The following CNMD variants were observed in gnomAD, a reference collection of about 807,000 sequenced individuals.
CNMD encodes chondromodulin.
Under a neutral mutation model 37.5 loss-of-function variants are expected in CNMD, and 30 were observed. The observed-to-expected ratio is 0.80, with a 90% CI of 0.60 to 1.09. CNMD has a LOEUF of 1.09. Ranked by LOEUF, CNMD falls within the 50% of genes least tolerant of loss-of-function variation. The pLI is 0.00. For missense variants in CNMD, 398 were observed against 423.9 expected (o/e 0.94, Z 0.54); for synonymous variants, 167 against 148.2 (o/e 1.13, Z -0.92).
chr13:52,714,861 T>G (rs1461048155), intron 4 of CNMD, among the ~76,000 whole-genome samples: 1 of 152,172 alleles, frequency 6.6e-6, no homozygotes, highest in African/African-American at 2.4e-5. Context: ...TTATCTATAC[T>G]TTTTTTCCCT....
chr13:52,736,057 A>G (rs1460793415), intron 2 of CNMD, among the ~76,000 whole-genome samples: 3 of 150,148 alleles, frequency 2.0e-5, no homozygotes, highest in Non-Finnish European at 4.4e-5. Context: ...GCAGTGGCAC[A>G]ATCTCCACTC....
Position 52,703,435 on chromosome 13 carries a change from GA to G in CNMD, c.*159del, listed in dbSNP as rs1964117641. ...TACATTTGCATATACTAAAGTTCTG[GA>G]AAACAATTGAAAAAATTCTGTTAAG... On this transcript the variant is annotated 3_prime_UTR_variant, in exon 7 of 7. Coordinates refer to ENST00000377962, the MANE Select transcript of CNMD (RefSeq NM_007015.3). The G allele has an allele frequency of 1.8e-6, 1 of 569,814 alleles. No individual in the cohort carries two copies. Among genetic ancestry groups the G allele is most frequent in the South Asian group, 2.4e-5 (1 of 42,334 alleles). 35.3% of individuals were successfully genotyped at this position (569,814 alleles called of 1,614,324 possible). A position where few individuals can be genotyped will look rare whatever the true frequency, so the allele number is the denominator to read the frequency against.
chr13:52,707,919 C>A (rs996817025), intron 6 of CNMD, among the ~76,000 whole-genome samples: 10 of 151,546 alleles, frequency 6.6e-5, no homozygotes, highest in African/African-American at 2.4e-4. Flanking sequence ...AACAGCCTGC[C>A]CAACATGGTG....
At chr13:52,735,973 G>C (rs2138280951) in intron 2 of CNMD, among the ~76,000 whole-genome samples, 1 of 151,278 alleles carries the variant, frequency 6.6e-6, no homozygotes, top group South Asian at 2.1e-4. Context: ...GGGACTACAG[G>C]CATGCGCCAC....
In CNMD at chr13:52,739,199, T is replaced by A; in HGVS notation, c.73-28A>T. 1 of 1,451,498 alleles carries A rather than the reference T, an allele frequency of 6.9e-7. No homozygotes were observed. The highest frequency in any genetic ancestry group is 9.0e-7 in the Non-Finnish European group (1 of 1,106,778). 89.9% of individuals were successfully genotyped at this position (1,451,498 alleles called of 1,614,324 possible). ...GCGGGCCGGGGCGGGAGAGGGACCG[T>A]CGCGTTTGTGCCGCCAGCACCTGCG... On this transcript the variant is annotated intron_variant, in intron 1 of 6. Coordinates refer to ENST00000377962, the MANE Select transcript of CNMD (RefSeq NM_007015.3). This position sits in a 1 kb window ranked among gnomAD's most constrained non-coding sequence, Gnocchi z 5.4.
chr13:52,704,919 C>T (rs1000577375), intron 6 of CNMD, among the ~76,000 whole-genome samples: 3 of 103,230 alleles, frequency 2.9e-5, no homozygotes, highest in South Asian at 3.2e-4. Flanking sequence ...ATTAGCCAGG[C>T]GTGGTGGTGG....
chr13:52,737,656 C>A (rs1311742504), intron 2 of CNMD, among the ~76,000 whole-genome samples: 1 of 152,174 alleles, frequency 6.6e-6, no homozygotes, highest in African/African-American at 2.4e-5. Context: ...CCCCATTGAC[C>A]TATACCATTG....
chr13:52,718,611 T>C (rs1194116927), intron 4 of CNMD, among the ~76,000 whole-genome samples: 1 of 152,222 alleles, frequency 6.6e-6, no homozygotes, highest in African/African-American at 2.4e-5. Flanking sequence ...CCAGTAGTCA[T>C]TCAGGAGCAG....
At position 52,739,273 on chromosome 13, in the gene CNMD, G is replaced by A; in HGVS notation, c.73-102C>T. 1 of 1,330,416 alleles carries A rather than the reference G, an allele frequency of 7.5e-7. No individual in the cohort carries two copies. Among genetic ancestry groups the A allele is most frequent in the Non-Finnish European group, 9.8e-7 (1 of 1,016,530 alleles). 82.4% of individuals were successfully genotyped at this position (1,330,416 alleles called of 1,614,324 possible). ...CGCGGTAGCCCCCAGGGAGTGGGGA[G>A]TCGGGCGGGAAACAGCTCGCCCGGG... On this transcript the variant is annotated intron_variant, in intron 1 of 6. Transcript: ENST00000377962. The surrounding 1 kb of genome is among the most constrained non-coding windows in gnomAD (Gnocchi z 5.4).
chr13:52,729,104 T>G (rs1964622296), intron 3 of CNMD, among the ~76,000 whole-genome samples: 1 of 152,210 alleles, frequency 6.6e-6, no homozygotes, highest in Admixed American at 6.5e-5. Flanking sequence ...TTACCTTGGC[T>G]GCACATTTTT....
intron 5 of CNMD, among the ~76,000 whole-genome samples, chr13:52,710,061 C>T (rs1387788487): frequency 6.6e-6 from 1 of 152,142 alleles, no homozygotes; most frequent in Non-Finnish European, 1.5e-5. Flanking sequence ...ATAGTAATAT[C>T]TAATTCATAG....
intron 5 of CNMD, among the ~76,000 whole-genome samples, chr13:52,711,068 T>C (rs1197265435): frequency 1.3e-5 from 2 of 152,220 alleles, no homozygotes; most frequent in Admixed American, 1.3e-4. Flanking sequence ...CTTGCTGCAA[T>C]GCAAAACTCC....
intron 5 of CNMD, 117 bp downstream of exon 5, chr13:52,712,599 A>G (rs748993805): frequency 7.0e-6 from 4 of 569,694 alleles, no homozygotes; most frequent in Non-Finnish European, 1.1e-5. Context: ...ACACTGCGAC[A>G]TGCATCCTGA....
At chr13:52,715,294 ACCG>A (rs1964354832) in intron 4 of CNMD, among the ~76,000 whole-genome samples, 1 of 151,918 alleles carries the variant, frequency 6.6e-6, no homozygotes, top group Non-Finnish European at 1.5e-5. Context: ...CTTCCCCCAA[ACCG>A]TTCCAGCCTC....
chr13:52,722,620 C>G (rs1372606824), intron 4 of CNMD, among the ~76,000 whole-genome samples: 1 of 151,422 alleles, frequency 6.6e-6, no homozygotes, highest in Non-Finnish European at 1.5e-5. Context: ...TCTCTCCACT[C>G]TATCCTGCCA....
chr13:52,703,645 C>T lies in CNMD; in HGVS notation c.955G>A (p.Val319Ile). 8 of 1,614,030 alleles carry T rather than the reference C, an allele frequency of 5.0e-6. No homozygotes were observed. Among genetic ancestry groups the T allele is most frequent in the Non-Finnish European group, 6.8e-6 (8 of 1,179,922 alleles). ...NYQGCRSACR[V>I]IMPCSWWVAR... The stretch of plus-strand genomic sequence containing the variant: ...ACCCACCAGCTACATGGCATGATGA[C>T]TCTGCAGGCCGAACGGCAGCCTTGA... Residue 319 changes from valine to isoleucine, a missense_variant, in exon 7 of 7, where the codon GTC becomes ATC. Physicochemically the swap from Val to Ile is conservative, Grantham distance 29. Coordinates refer to ENST00000377962, the MANE Select transcript of CNMD (RefSeq NM_007015.3).
At chr13:52,709,986 A>G (rs1413131162) in intron 5 of CNMD, among the ~76,000 whole-genome samples, 3 of 152,126 alleles carry the variant, frequency 2.0e-5, no homozygotes, top group Non-Finnish European at 4.4e-5. Flanking sequence ...AAAAGTAGAA[A>G]GTACCACACA....
At chr13:52,710,084 G>A (rs1825064344) in intron 5 of CNMD, among the ~76,000 whole-genome samples, 1 of 152,198 alleles carries the variant, frequency 6.6e-6, no homozygotes, top group Admixed American at 6.5e-5. Flanking sequence ...TAGTGATAGG[G>A]TTAATGAGAA....
At chr13:52,722,652 A>G (rs1172649967) in intron 4 of CNMD, among the ~76,000 whole-genome samples, 3 of 152,190 alleles carry the variant, frequency 2.0e-5, no homozygotes, top group African/African-American at 7.2e-5. Flanking sequence ...AAAGACAGTA[A>G]TCAATGGGAC....
Sources: gnomAD v4.1 joint callset for allele counts (sites outside exome capture counted in the v4.1 genomes callset) on GRCh38, gnomAD v4.1.1 for gene constraint, Gnocchi (gnomAD v3.1) non-coding constraint, MANE v1.5 for transcripts, NCBI Gene and HGNC (gene_info 2026-07-23, HGNC 2026-07-21) for gene names.